Variants in UBAC2 observed in about 807,000 individuals in gnomAD.
The protein encoded by UBAC2 is ubiquitin-associated domain-containing protein 2.
In UBAC2, 26 loss-of-function variants were observed where a neutral mutation model predicts 44.0. The ratio of observed to expected loss-of-function variants is 0.59; its 90% CI spans 0.43 to 0.82. The LOEUF (loss-of-function observed/expected upper bound fraction) is 0.82. UBAC2 is among the 40% of genes least tolerant of loss of function. The pLI, the probability that UBAC2 is intolerant of heterozygous loss-of-function variation, is 0.00. For synonymous variants in UBAC2, 155 were observed against 154.3 expected (o/e 1.00, Z -0.04); for missense variants, 329 against 419.4 (o/e 0.78, Z 1.88).
chr13:99,262,368 T>C (rs1200775377), intron 4 of UBAC2, among the ~76,000 whole-genome samples: 1 of 152,152 alleles, frequency 6.6e-6, no homozygotes, highest in Non-Finnish European at 1.5e-5. Context: ...GGGGAACCAC[T>C]GTATAGTTAA....
chr13:99,383,206 T>C (rs1400610249), intron 8 of UBAC2, among the ~76,000 whole-genome samples: 2 of 152,236 alleles, frequency 1.3e-5, no homozygotes, highest in Non-Finnish European at 2.9e-5. Context: ...ATCACTGGTG[T>C]GGCCAGTTAA....
At chr13:99,276,788 G>T (rs952697994) in intron 4 of UBAC2, among the ~76,000 whole-genome samples, 4 of 152,174 alleles carry the variant, frequency 2.6e-5, no homozygotes, top group African/African-American at 9.7e-5. Context: ...GGTTGAAAGG[G>T]GCTCATTATG....
At chr13:99,221,947 G>C (rs994123141) in intron 1 of UBAC2, among the ~76,000 whole-genome samples, 2 of 152,144 alleles carry the variant, frequency 1.3e-5, no homozygotes, top group African/African-American at 4.8e-5. Flanking sequence ...TCTAGTCATG[G>C]ATAGGTAATG....
At position 99,340,549 on chromosome 13, in the gene UBAC2, G is replaced by T; in HGVS notation, c.791G>T (p.Arg264Leu). ...LMFSQFAQGR[R>L]QRQQQGGMIN... ...TTCTCTCAGTTTGCACAAGGGAGGC[G>T]ACAGAGACAGCAGCAGGTAAAAGTG... The change falls in exon 7 of 9, where the codon CGA becomes CTA. Residue 264 changes from arginine to leucine, a missense_variant. Physicochemically the swap from Arg to Leu is moderately radical, Grantham distance 102. Coordinates refer to ENST00000403766, the MANE Select transcript of UBAC2 (RefSeq NM_001144072.2). 1 of 1,613,476 alleles carries T rather than the reference G, an allele frequency of 6.2e-7. No homozygotes were observed. The highest frequency in any genetic ancestry group is 1.1e-5 in the South Asian group (1 of 90,996).
chr13:99,380,737 G>C (rs1353876177), intron 8 of UBAC2, among the ~76,000 whole-genome samples: 1 of 152,198 alleles, frequency 6.6e-6, no homozygotes, highest in Non-Finnish European at 1.5e-5. Flanking sequence ...GAAACCTTCA[G>C]GTGCCCTTTC....
chr13:99,313,403 C>A (rs1215304524), intron 4 of UBAC2: 2 of 152,122 alleles, frequency 1.3e-5, no homozygotes, highest in African/African-American at 4.8e-5. Flanking sequence ...TAGAAAGACA[C>A]ATAAGACTTT....
Position 99,344,483 on chromosome 13 carries a change from A to G in UBAC2, c.807+3918A>G, listed in dbSNP as rs2044942093. Among the ~76,000 whole-genome samples, 6 of 152,134 alleles carry G rather than the reference A, an allele frequency of 3.9e-5. No individual in the cohort carries two copies. In the South Asian group the frequency reaches 1.0e-3, roughly 26 times the overall value. On this transcript the variant is annotated intron_variant, in intron 7 of 8. Transcript: ENST00000403766. The stretch of plus-strand genomic sequence containing the variant: ...GCTCCTGTATCTTTTATTGTAGGCA[A>G]TCTCATGCTGTGTATTTCATTTAAA...
intron 1 of UBAC2, chr13:99,201,261 C>T: frequency 6.9e-7 from 1 of 1,445,858 alleles, no homozygotes; most frequent in Non-Finnish European, 9.1e-7. Flanking sequence ...GGCCCCAGGC[C>T]CTTTGCGGAG....
intron 2 of UBAC2, among the ~76,000 whole-genome samples, chr13:99,241,719 A>T (rs1053202599): frequency 1.8e-4 from 19 of 105,768 alleles, no homozygotes; most frequent in Non-Finnish European, 3.3e-4. Flanking sequence ...AATAGTTAAA[A>T]TTTTAACTTT....
At chr13:99,267,453 G>A (rs2043758206) in intron 4 of UBAC2, among the ~76,000 whole-genome samples, 1 of 152,248 alleles carries the variant, frequency 6.6e-6, no homozygotes, top group Non-Finnish European at 1.5e-5. Flanking sequence ...GGGAGGGGAG[G>A]TTATCCTGAG....
intron 1 of UBAC2, among the ~76,000 whole-genome samples, chr13:99,203,469 TC>T (rs1352883070): frequency 6.6e-6 from 1 of 152,188 alleles, no homozygotes; most frequent in Non-Finnish European, 1.5e-5. Context: ...CAGGGATAAA[TC>T]CCTGCCATTT....
intron 1 of UBAC2, among the ~76,000 whole-genome samples, chr13:99,217,145 C>T (rs2043006123): frequency 2.0e-5 from 3 of 152,076 alleles, no homozygotes; most frequent in Non-Finnish European, 4.4e-5. Flanking sequence ...TCCTCGTTTT[C>T]GAATTAATTT....
At chr13:99,297,674 C>A (rs2044196331) in intron 4 of UBAC2, among the ~76,000 whole-genome samples, 1 of 151,638 alleles carries the variant, frequency 6.6e-6, no homozygotes, top group South Asian at 2.1e-4. Context: ...ATTTTATTAT[C>A]CAGAAAAGAG....
intron 4 of UBAC2, among the ~76,000 whole-genome samples, chr13:99,296,453 C>A (rs1200688080): frequency 6.6e-6 from 1 of 152,190 alleles, no homozygotes; most frequent in African/African-American, 2.4e-5. Context: ...AGGGCAAACG[C>A]ACTTTTGTGA....
intron 4 of UBAC2, among the ~76,000 whole-genome samples, chr13:99,272,197 C>T (rs2043824524): frequency 6.6e-6 from 1 of 152,182 alleles, no homozygotes; most frequent in Non-Finnish European, 1.5e-5. Flanking sequence ...GGGCTTGTAT[C>T]TAGGTCAAGT....
chr13:99,202,802 A>G (rs986039133), intron 1 of UBAC2, among the ~76,000 whole-genome samples: 2 of 152,152 alleles, frequency 1.3e-5, no homozygotes, highest in African/African-American at 4.8e-5. Flanking sequence ...TGTGTCTTAC[A>G]TGCTCATTTT....
At chr13:99,349,834 C>T (rs546469737) in intron 7 of UBAC2, among the ~76,000 whole-genome samples, 5 of 152,238 alleles carry the variant, frequency 3.3e-5, no homozygotes, top group East Asian at 3.9e-4. Flanking sequence ...TTTAGGACTT[C>T]GGATGACTGC....
At chr13:99,315,030 C>T (rs985460325) in intron 5 of UBAC2, among the ~76,000 whole-genome samples, 2 of 152,320 alleles carry the variant, frequency 1.3e-5, no homozygotes. Context: ...ACTGGCGTCA[C>T]TTCAGAATGC....
chr13:99,276,688 A>C (rs1000374034), intron 4 of UBAC2, among the ~76,000 whole-genome samples: 4 of 152,090 alleles, frequency 2.6e-5, no homozygotes, highest in African/African-American at 9.7e-5. Context: ...CCACCCCTCT[A>C]GTCACTTGGT....
Sources: gnomAD v4.1 joint callset for allele counts (sites outside exome capture counted in the v4.1 genomes callset) on GRCh38, gnomAD v4.1.1 for gene constraint, MANE v1.5 for transcripts, NCBI Gene and HGNC (gene_info 2026-07-23, HGNC 2026-07-21) for gene names.